Variants in ZGRF1 observed in about 807,000 individuals in gnomAD.
ZGRF1 encodes the protein 5'-3' DNA helicase ZGRF1.
Under a neutral mutation model 203.5 loss-of-function variants are expected in ZGRF1, and 196 were observed. That is an observed-to-expected ratio of 0.96 (90% confidence interval 0.86 to 1.08). The LOEUF (loss-of-function observed/expected upper bound fraction) is 1.08, where lower values mean the gene tolerates loss of function less well. ZGRF1 is among the 50% of genes least tolerant of loss of function. The pLI is 0.00. For synonymous variants in ZGRF1, 809 were observed against 841.3 expected (o/e 0.96, Z 0.66); for missense variants, 2,326 against 2,416.3 (o/e 0.96, Z 0.78).
At chr4:112,554,025 A>G (rs1457600216) in intron 21 of ZGRF1, 43 bp from the exon 22 acceptor site, 7 of 1,537,396 alleles carry the variant, frequency 4.6e-6, no homozygotes, top group Admixed American at 4.2e-5. Flanking sequence ...TCCATTTTTC[A>G]TAACATCACA....
At chr4:112,552,003 C>T (rs930630044) in intron 22 of ZGRF1, among the ~76,000 whole-genome samples, 1 of 151,974 alleles carries the variant, frequency 6.6e-6, no homozygotes, top group Non-Finnish European at 1.5e-5. Context: ...GTCTTCCGGG[C>T]GCGGTGGCTC....
intron 16 of ZGRF1, among the ~76,000 whole-genome samples, chr4:112,565,627 G>A (rs985477899): frequency 7.2e-4 from 110 of 151,938 alleles, no homozygotes; most frequent in African/African-American, 2.1e-3. Flanking sequence ...CAGAATCTAC[G>A]ATGAACTCCA....
intron 12 of ZGRF1, 68 bp from the exon 13 acceptor site, chr4:112,586,651 T>C (rs1045380653): frequency 2.6e-6 from 3 of 1,158,832 alleles, no homozygotes; most frequent in African/African-American, 3.2e-5. Flanking sequence ...GAGTAAATTA[T>C]TTTTCATAGA....
intron 14 of ZGRF1, 30 bp downstream of exon 14, chr4:112,585,511 G>A: frequency 6.4e-7 from 1 of 1,567,298 alleles, no homozygotes; most frequent in Non-Finnish European, 8.7e-7. Context: ...CAAGTATTTG[G>A]TATGGTAGGG....
At chr4:112,587,163 T>C in intron 12 of ZGRF1, 117 bp downstream of exon 12, 1 of 853,872 alleles carries the variant, frequency 1.2e-6, no homozygotes. Flanking sequence ...AGAGTTAGGA[T>C]CAAAAAAAGC....
At chr4:112,623,638 A>G (rs2047134501) in intron 4 of ZGRF1, among the ~76,000 whole-genome samples, 179 bp downstream of exon 4, 1 of 152,194 alleles carries the variant, frequency 6.6e-6, no homozygotes, top group South Asian at 2.1e-4. Flanking sequence ...ATCATAAAAA[A>G]TCAGTTGTAG....
In ZGRF1 at chr4:112,583,083, G is replaced by A. The variant is rs149408752; in HGVS notation, c.4298+895C>T. Among the ~76,000 whole-genome samples, 970 of 152,026 alleles carry A rather than the reference G, an allele frequency of 6.4e-3. 17 individuals are homozygous for A. The highest frequency in any genetic ancestry group is 0.021 in the African/African-American group (866 of 41,446). ...ACCTCATTTTCTAAACTATAAAACG[G>A]GAATAACTTATTCCGATATCTCCAT... is the stretch of plus-strand genomic sequence containing the variant. On this transcript the variant is annotated intron_variant, in intron 15 of 27. Coordinates refer to ENST00000505019, the MANE Select transcript of ZGRF1 (RefSeq NM_018392.5).
chr4:112,541,155 C>T lies in ZGRF1; in HGVS notation c.5712G>A (p.Glu1904=). The change falls in exon 25 of 28, where the codon GAG becomes GAA. Residue 1904 remains glutamate (E), a synonymous_variant. Transcript: ENST00000505019. ...GALMNGVTEI[E]RSPLLEWLPT... ...GTAGCCATTCCAATAAAGGGCTCCG[C>T]TCTATTTCTGTTACACCATTCATGA... 2 of 1,611,186 alleles carry T rather than the reference C, an allele frequency of 1.2e-6. No individual in the cohort carries two copies. Among genetic ancestry groups the T allele is most frequent in the Non-Finnish European group, 1.7e-6 (2 of 1,178,600 alleles).
intron 4 of ZGRF1, among the ~76,000 whole-genome samples, chr4:112,622,893 G>T (rs566132156): frequency 1.3e-5 from 2 of 152,194 alleles, no homozygotes; most frequent in South Asian, 4.2e-4. Flanking sequence ...TGTCATGGCG[G>T]TTTATTATAC....
intron 2 of ZGRF1, among the ~76,000 whole-genome samples, chr4:112,632,368 G>A (rs999774961): frequency 6.6e-6 from 1 of 152,010 alleles, no homozygotes; most frequent in African/African-American, 2.4e-5. Flanking sequence ...CAATTGGAAG[G>A]GAAAAAAATT....
At chr4:112,596,470 A>AT (rs1375173185) in intron 10 of ZGRF1, among the ~76,000 whole-genome samples, 6 of 152,216 alleles carry the variant, frequency 3.9e-5, no homozygotes, top group Admixed American at 2.0e-4. Context: ...AAAGAAATAT[A>AT]TTTTTTAAAA....
At position 112,631,733 on chromosome 4, in the gene ZGRF1, T is replaced by TATGAA. The variant is rs1299581369; in HGVS notation, c.102+196_102+197insTTCAT. ...TGTGCTACTGGATAACAGATCTTAT[T>TATGAA]CGTTCTATCTATTAATGAACTATTT... is the stretch of plus-strand genomic sequence containing the variant. On this transcript the variant is annotated intron_variant, in intron 3 of 27. Transcript: ENST00000505019. Among the ~76,000 whole-genome samples the TATGAA allele has an allele frequency of 2.0e-5, 3 of 152,272 alleles. No homozygotes were observed. In the East Asian group the frequency reaches 5.8e-4, roughly 29 times the overall value.
intron 3 of ZGRF1, chr4:112,628,825 A>G (rs1372039109): frequency 4.6e-6 from 2 of 437,028 alleles, no homozygotes; most frequent in East Asian, 1.4e-4. Context: ...GCTTTTAAAT[A>G]TCTACAAGAT....
In ZGRF1 at chr4:112,539,657, A is replaced by T. The variant is rs1737144351; in HGVS notation, c.6205T>A (p.Tyr2069Asn). The change falls in exon 28 of 28, where the codon TAT (tyrosine) becomes AAT (asparagine). Residue 2069 changes from tyrosine to asparagine, a missense_variant. Transcript: ENST00000505019. ...AGGAGATGGTTCAGCTGTGGTTCAT[A>T]CTGGTTTGCATGTTGCAATCCATCT... Reference protein sequence around the residue: ...REDGLQHANQYEPQLNHLLKD... With the variant: ...REDGLQHANQNEPQLNHLLKD... The T allele has an allele frequency of 6.2e-7, 1 of 1,607,878 alleles. No individual in the cohort carries two copies.
intron 16 of ZGRF1, among the ~76,000 whole-genome samples, chr4:112,573,200 A>ACC (rs1553987623): frequency 8.0e-4 from 119 of 148,832 alleles, no homozygotes; most frequent in East Asian, 2.0e-3. Flanking sequence ...ACACACACAC[A>ACC]CCCATGGAAT....
In ZGRF1 at chr4:112,590,331, A is replaced by G. The variant is rs948191526; in HGVS notation, c.2977-457T>C. ...CCCAAATGAAGTGAACTTGTTAAAT[A>G]CATGCCAGCTATACAGTTCATATGT... On this transcript the variant is annotated intron_variant, in intron 10 of 27. Coordinates refer to ENST00000505019, the MANE Select transcript of ZGRF1 (RefSeq NM_018392.5). Among the ~76,000 whole-genome samples the G allele has an allele frequency of 2.6e-5, 4 of 152,234 alleles. No individual in the cohort carries two copies. The East Asian group carries it at 5.8e-4, about 22-fold the overall frequency.
intron 24 of ZGRF1, among the ~76,000 whole-genome samples, chr4:112,542,926 T>G (rs12647656): frequency 0.39 from 59,337 of 151,844 alleles, 11,830 homozygotes; most frequent in South Asian, 0.49. Flanking sequence ...TGGATTCATA[T>G]GACCCTCCCA....
At chr4:112,607,509 A>G (rs1470389803) in intron 8 of ZGRF1, among the ~76,000 whole-genome samples, 7 of 152,240 alleles carry the variant, frequency 4.6e-5, no homozygotes, top group Non-Finnish European at 1.0e-4. Context: ...GCTCTTTTGC[A>G]ATATGTAGTT....
intron 21 of ZGRF1, among the ~76,000 whole-genome samples, 177 bp from the exon 22 acceptor site, chr4:112,554,159 C>T (rs180893762): frequency 6.6e-6 from 1 of 151,134 alleles, no homozygotes; most frequent in Non-Finnish European, 1.5e-5. Flanking sequence ...CCCATTAACT[C>T]GTCATTTAAC....
Sources: gnomAD v4.1 joint callset for allele counts (sites outside exome capture counted in the v4.1 genomes callset) on GRCh38, gnomAD v4.1.1 for gene constraint, MANE v1.5 for transcripts, NCBI Gene and HGNC (gene_info 2026-07-23, HGNC 2026-07-21) for gene names.